PNPLA7: variants seen among roughly 807,000 people sequenced by gnomAD.
PNPLA7 encodes patatin like domain 7, lysophospholipase.
A neutral mutation model predicts 161.7 loss-of-function variants in PNPLA7; 153 were observed. The ratio of observed to expected loss-of-function variants is 0.95; its 90% CI spans 0.83 to 1.08. The LOEUF (loss-of-function observed/expected upper bound fraction) is 1.08, where lower values mean the gene tolerates loss of function less well. Among genes scored for constraint, PNPLA7 ranks in the 50% least tolerant of loss-of-function variants. PNPLA7 has a pLI of 0.00. For missense variants in PNPLA7, 1,739 were observed against 1,856.6 expected (o/e 0.94, Z 1.16); for synonymous variants, 809 against 782.1 (o/e 1.03, Z -0.57).
chr9:137,461,738 C>G, intron 32 of PNPLA7, 118 bp from the exon 33 acceptor site: 1 of 1,251,870 alleles, frequency 8.0e-7, no homozygotes, highest in Non-Finnish European at 1.1e-6. Context: ...CCGCCTGCCC[C>G]CCAAGTAAGG....
Position 137,515,486 on chromosome 9 carries a change from G to A in PNPLA7, c.1118C>T (p.Pro373Leu). The change falls in exon 12 of 35, where the codon CCC (proline) becomes CTC (leucine). Residue 373 changes from proline to leucine, a missense_variant. By Grantham distance (98) the Pro-to-Leu change is moderately conservative. Coordinates refer to ENST00000406427, the MANE Select transcript of PNPLA7 (RefSeq NM_001098537.3). ...GACGGAGTGGCTCCTCTTCAGCAGG[G>A]GCCCAGCAGCTGCCGGGCGGCCGCC... ...HGGGRPAAAG[P>L]LLKRSHSVPA... 1 of 1,573,616 alleles carries A rather than the reference G, an allele frequency of 6.4e-7. No individual in the cohort carries two copies. The highest frequency in any genetic ancestry group is 1.2e-5 in the South Asian group (1 of 85,478).
intron 25 of PNPLA7, 94 bp downstream of exon 25, chr9:137,477,940 C>A: frequency 9.5e-7 from 1 of 1,048,260 alleles, no homozygotes; most frequent in South Asian, 4.2e-5. Flanking sequence ...GGGTGACACC[C>A]CCTGTCCCCC....
rs1831234395 is a variant in PNPLA7, at chr9:137,462,055, C to T, written c.3646-14G>A. On this transcript the variant is annotated splice_polypyrimidine_tract_variant and intron_variant, in intron 31 of 34. Coordinates refer to ENST00000406427, the MANE Select transcript of PNPLA7 (RefSeq NM_001098537.3). ...GTAGCCCACTTCCTGTGCACACCCC[C>T]AGGGCCCCGTCAGGAGGTGTGGGGA... 1.3e-6 allele frequency: 2 copies of T among 1,568,368 alleles called. No homozygotes were observed. The highest frequency in any genetic ancestry group is 8.6e-7 in the Non-Finnish European group (1 of 1,156,220).
chr9:137,521,517 C>T (rs1005358844), intron 10 of PNPLA7, 119 bp downstream of exon 10: 1 of 934,068 alleles, frequency 1.1e-6, no homozygotes. Flanking sequence ...ACTGGGAAGA[C>T]CACAGCTGTT....
chr9:137,467,758 C>T lies in PNPLA7; in HGVS notation c.2883-285G>A, dbSNP rs143609569. The stretch of plus-strand genomic sequence containing the variant: ...ACTAAAAATACTAAAATTAGCCAGG[C>T]GTGGTGGTGCGCGCCTGTAATCCCA... On this transcript the variant is annotated intron_variant, in intron 25 of 34. Coordinates refer to ENST00000406427, the MANE Select transcript of PNPLA7 (RefSeq NM_001098537.3). This position sits in a 1 kb window ranked among gnomAD's most constrained non-coding sequence, Gnocchi z 5.1. 5.3e-5 allele frequency among the ~76,000 whole-genome samples: 8 copies of T among 152,232 alleles called. No homozygotes were observed. The East Asian group carries it at 5.8e-4, about 11-fold the overall frequency.
At chr9:137,518,782 C>T (rs1422965622) in intron 11 of PNPLA7, among the ~76,000 whole-genome samples, 1 of 68,294 alleles carries the variant, frequency 1.5e-5, no homozygotes, top group Admixed American at 1.3e-4. Flanking sequence ...CCACTCCATC[C>T]CCCACTCACT....
rs905899843 is a variant in PNPLA7, at chr9:137,547,293, G to C, written c.193+16C>G. On this transcript the variant is annotated intron_variant, in intron 3 of 34. Transcript: ENST00000406427. This position sits in a 1 kb window ranked among gnomAD's most constrained non-coding sequence, Gnocchi z 4.6. Reference sequence around the variant, plus strand: ...CCCCCAACCCCCCGGGCCAGAGTCGGAACCAAGATACTCACGAAATTGTCT... The same window carrying C: ...CCCCCAACCCCCCGGGCCAGAGTCGCAACCAAGATACTCACGAAATTGTCT... 11 of 1,612,342 alleles carry C rather than the reference G, an allele frequency of 6.8e-6. No homozygotes were observed. In the African/African-American group the frequency reaches 1.2e-4, roughly 18 times the overall value.
At chr9:137,515,138 G>A (rs1472732228) in intron 12 of PNPLA7, among the ~76,000 whole-genome samples, 1 of 152,130 alleles carries the variant, frequency 6.6e-6, no homozygotes, top group African/African-American at 2.4e-5. Context: ...CCCTGGCGGT[G>A]GTGGGGGTGA....
chr9:137,548,672 C>T (rs1284830632), intron 1 of PNPLA7, among the ~76,000 whole-genome samples: 8 of 152,016 alleles, frequency 5.3e-5, no homozygotes, highest in South Asian at 2.1e-4. Context: ...GGCGTGAACC[C>T]GGGAGGCAGA....
At position 137,488,837 on chromosome 9, in the gene PNPLA7, A is replaced by G. The variant is rs548542050; in HGVS notation, c.2198-4101T>C. Among the ~76,000 whole-genome samples, 7 of 145,910 alleles carry G rather than the reference A, an allele frequency of 4.8e-5. No individual in the cohort carries two copies. The East Asian group carries it at 1.4e-3, about 30-fold the overall frequency. On this transcript the variant is annotated intron_variant, in intron 20 of 34. Transcript: ENST00000406427. ...CCAGCAGACATCCCTCCAACTGTGCACCCCCTGACCAGCAGACATCCCTCC... is the reference window on the plus strand; with the variant it reads ...CCAGCAGACATCCCTCCAACTGTGCGCCCCCTGACCAGCAGACATCCCTCC...
chr9:137,524,987 G>A lies in PNPLA7; in HGVS notation c.748-2130C>T, dbSNP rs2132510710. Among the ~76,000 whole-genome samples, 4 of 152,350 alleles carry A rather than the reference G, an allele frequency of 2.6e-5. No individual in the cohort carries two copies. The South Asian group carries it at 8.3e-4, about 32-fold the overall frequency. Reference sequence around the variant, plus strand: ...GCCCTCAAGATCTTAGAAGCTCCTGGAAGTGTCTTTTTATTCACAGTGCAA... The same window carrying A: ...GCCCTCAAGATCTTAGAAGCTCCTGAAAGTGTCTTTTTATTCACAGTGCAA... On this transcript the variant is annotated intron_variant, in intron 8 of 34. Transcript: ENST00000406427. The surrounding 1 kb of genome is among the most constrained non-coding windows in gnomAD (Gnocchi z 4.4).
At chr9:137,522,162 C>T (rs1029702047) in intron 9 of PNPLA7, among the ~76,000 whole-genome samples, 4 of 152,220 alleles carry the variant, frequency 2.6e-5, no homozygotes, top group African/African-American at 7.2e-5. Flanking sequence ...GCAAGCTCCG[C>T]CTCCCGGGTT....
In PNPLA7 at chr9:137,547,752, A is replaced by T. The variant is rs919637847; in HGVS notation, c.31-93T>A. ...CAGGAGGAGAGCTGGGAGTTAGGGG[A>T]GAAGTCAGCAGCCCTGGAGACTTCT... On this transcript the variant is annotated intron_variant, in intron 1 of 34. Transcript: ENST00000406427. The surrounding 1 kb of genome is among the most constrained non-coding windows in gnomAD (Gnocchi z 4.6). 2.5e-6 allele frequency: 3 copies of T among 1,184,238 alleles called. No individual in the cohort carries two copies. The African/African-American group carries it at 4.5e-5, about 18-fold the overall frequency. The allele number at this position is 1,184,238 out of a possible 1,614,324, so 73.4% of individuals were successfully genotyped here.
chr9:137,542,642 A>G lies in PNPLA7; in HGVS notation c.666T>C (p.Thr222=). 1 of 1,589,824 alleles carries G rather than the reference A, an allele frequency of 6.3e-7. No individual in the cohort carries two copies. Among genetic ancestry groups the G allele is most frequent in the South Asian group, 1.1e-5 (1 of 89,802 alleles). Residue 222 remains threonine, a splice_region_variant and synonymous_variant, in exon 7 of 35, where the codon ACT becomes ACC. Coordinates refer to ENST00000406427, the MANE Select transcript of PNPLA7 (RefSeq NM_001098537.3). ...CCCGCCCCGCCGCCCTGCGACTCAC[A>G]GTGTCCTGGATGCAGACCTCCAGCC... ...DGRLEVCIQD[T]DGTEVVVKEV...
At chr9:137,484,879 G>A in intron 20 of PNPLA7, 143 bp from the exon 21 acceptor site, 2 of 1,031,286 alleles carry the variant, frequency 1.9e-6, no homozygotes, top group Non-Finnish European at 2.7e-6. Flanking sequence ...CCAGTCCTGA[G>A]GCTGCCTGGC....
At chr9:137,460,973 G>A (rs564204991) in intron 33 of PNPLA7, 87 of 522,674 alleles carry the variant, frequency 1.7e-4, no homozygotes, top group Non-Finnish European at 2.5e-4. Flanking sequence ...GACAAGGAGC[G>A]GGCAGACACT....
chr9:137,497,098 A>G (rs1833099900), intron 18 of PNPLA7, 89 bp downstream of exon 18: 1 of 1,317,440 alleles, frequency 7.6e-7, no homozygotes, highest in African/African-American at 1.5e-5. Context: ...GCTCCCAAGT[A>G]ACTGGCCAGG....
In PNPLA7 at chr9:137,477,909, C is replaced by T. The variant is rs1284827829; in HGVS notation, c.2882+125G>A. ...GGGGTGGAGGCTGGGTCTGGACAGG[C>T]GGCCTGAGGGTCTCGTCTGCGGGTG... is the stretch of plus-strand genomic sequence containing the variant. On this transcript the variant is annotated intron_variant, in intron 25 of 34. Coordinates refer to ENST00000406427, the MANE Select transcript of PNPLA7 (RefSeq NM_001098537.3). 2.6e-5 allele frequency: 20 copies of T among 769,570 alleles called. 1 individual carries two copies. The South Asian group carries it at 5.0e-4, about 19-fold the overall frequency. The allele number at this position is 769,570 out of a possible 1,614,324, so 47.7% of individuals were successfully genotyped here.
In PNPLA7 at chr9:137,498,265, C is replaced by A. The variant is rs1240587961; in HGVS notation, c.1758-20G>T. The A allele has an allele frequency of 3.1e-6, 5 of 1,607,326 alleles. No individual in the cohort carries two copies. Among genetic ancestry groups the A allele is most frequent in the Non-Finnish European group, 4.2e-6 (5 of 1,179,714 alleles). On this transcript the variant is annotated intron_variant, in intron 16 of 34. Coordinates refer to ENST00000406427, the MANE Select transcript of PNPLA7 (RefSeq NM_001098537.3). ...ATGATTCTGCCGGGCAGCCCAGAGT[C>A]AATCCTGCCCCATCCCTCCAACCCT...
Sources: gnomAD v4.1 joint callset for allele counts (sites outside exome capture counted in the v4.1 genomes callset) on GRCh38, gnomAD v4.1.1 for gene constraint, Gnocchi (gnomAD v3.1) non-coding constraint, MANE v1.5 for transcripts, NCBI Gene and HGNC (gene_info 2026-07-23, HGNC 2026-07-21) for gene names.